The following TPO variants were observed in gnomAD, a reference collection of about 807,000 sequenced individuals.
TPO encodes the protein thyroid peroxidase, also known as thyroid microsomal antigen.
In TPO, 78 loss-of-function variants were observed where a neutral mutation model predicts 96.9. The ratio of observed to expected loss-of-function variants is 0.81; its 90% CI spans 0.67 to 0.97. The LOEUF is 0.97. Among genes scored for constraint, TPO ranks in the 50% least tolerant of loss-of-function variants. TPO has a pLI of 0.00. For synonymous variants in TPO, 547 were observed against 538.0 expected (o/e 1.02, Z -0.23); for missense variants, 1,252 against 1,274.8 (o/e 0.98, Z 0.27).
intron 14 of TPO, among the ~76,000 whole-genome samples, 183 bp from the exon 15 acceptor site, chr2:1,516,700 C>T (rs1558392796): frequency 1.3e-5 from 2 of 152,218 alleles, no homozygotes; most frequent in Non-Finnish European, 2.9e-5. Context: ...ACGTCACATT[C>T]GGATCTGGAC....
At chr2:1,476,711 C>A (rs1329271732) in intron 7 of TPO, among the ~76,000 whole-genome samples, 2 of 152,210 alleles carry the variant, frequency 1.3e-5, no homozygotes, top group African/African-American at 2.4e-5. Flanking sequence ...GATGTGGACT[C>A]CTAGGATGTG....
chr2:1,381,371 A>G (rs1423953523), intron 1 of TPO, among the ~76,000 whole-genome samples: 1 of 152,238 alleles, frequency 6.6e-6, no homozygotes, highest in Non-Finnish European at 1.5e-5. Context: ...TCTCAAAAGA[A>G]GACATTCATG....
intron 14 of TPO, among the ~76,000 whole-genome samples, chr2:1,513,948 T>G (rs1047814102): frequency 6.6e-6 from 1 of 152,204 alleles, no homozygotes. Context: ...TTGGTATAGA[T>G]GTAAATATAG....
Position 1,446,840 on chromosome 2 carries a change from T to G in TPO, c.483-6854T>G, listed in dbSNP as rs573775193. Among the ~76,000 whole-genome samples the G allele has an allele frequency of 1.2e-4, 19 of 152,344 alleles. No individual in the cohort carries two copies. The South Asian group carries it at 3.5e-3, about 28-fold the overall frequency. On this transcript the variant is annotated intron_variant, in intron 5 of 16. Coordinates refer to ENST00000329066, the MANE Select transcript of TPO (RefSeq NM_001206744.2). ...TGGAAAGAAAACTTTTTTGTTATGT[T>G]TAAGAATCTTGCTTTCTCTGAAGAA...
Position 1,456,182 on chromosome 2 carries a change from A to T in TPO, c.719A>T (p.Asp240Val). ...GCATGGGGACAATACATCGACCACG[A>T]CATCGCGTTCACACCACAGAGCACC... ...LMAWGQYIDHDIAFTPQSTSK... is the reference protein window; with the variant it reads ...LMAWGQYIDHVIAFTPQSTSK... Residue 240 changes from aspartate (D) to valine (V), a missense_variant, in exon 7 of 17, where the codon GAC (aspartate) becomes GTC (valine). Coordinates refer to ENST00000329066, the MANE Select transcript of TPO (RefSeq NM_001206744.2). 6.2e-7 allele frequency: 1 copy of T among 1,614,146 alleles called. No individual in the cohort carries two copies. The highest frequency in any genetic ancestry group is 8.5e-7 in the Non-Finnish European group (1 of 1,180,048).
At chr2:1,423,458 G>A (rs147663309) in intron 3 of TPO, among the ~76,000 whole-genome samples, 95 of 152,294 alleles carry the variant, frequency 6.2e-4, no homozygotes, top group Middle Eastern at 3.4e-3. Flanking sequence ...GGAAAAGAGA[G>A]ACCTAGATCC....
intron 1 of TPO, among the ~76,000 whole-genome samples, chr2:1,379,881 A>G (rs2148341249): frequency 6.6e-6 from 1 of 152,340 alleles, no homozygotes; most frequent in African/African-American, 2.4e-5. Context: ...AGGGGCAGGC[A>G]TGTGTCCTGT....
chr2:1,432,870 G>A (rs540961034), intron 3 of TPO, among the ~76,000 whole-genome samples: 1 of 152,184 alleles, frequency 6.6e-6, no homozygotes, highest in South Asian at 2.1e-4. Context: ...GATGAGGAGA[G>A]GCATTCAGAT....
intron 3 of TPO, among the ~76,000 whole-genome samples, chr2:1,432,781 G>A (rs1665149472): frequency 8.5e-6 from 1 of 117,334 alleles, no homozygotes; most frequent in African/African-American, 3.2e-5. Context: ...GGTGAGGGGA[G>A]GCATGCAGGT....
intron 1 of TPO, 141 bp downstream of exon 1, chr2:1,413,686 C>T (rs913530080): frequency 8.5e-5 from 84 of 985,366 alleles, no homozygotes; most frequent in Non-Finnish European, 9.8e-5. Flanking sequence ...GACTGACTGA[C>T]TGATGAGTGC....
intron 1 of TPO, among the ~76,000 whole-genome samples, chr2:1,407,347 A>T (rs1001217271): frequency 2.6e-5 from 4 of 152,202 alleles, no homozygotes; most frequent in African/African-American, 9.7e-5. Context: ...CTACTGGAAC[A>T]TTGAGAAAAG....
chr2:1,522,289 CT>C (rs1387362276), intron 15 of TPO, among the ~76,000 whole-genome samples: 1 of 61,356 alleles, frequency 1.6e-5, no homozygotes. Flanking sequence ...CACACCGGCC[CT>C]GCCACCTTGC....
intron 1 of TPO, among the ~76,000 whole-genome samples, chr2:1,390,170 C>G (rs1366081712): frequency 6.6e-6 from 1 of 151,974 alleles, no homozygotes; most frequent in Non-Finnish European, 1.5e-5. Context: ...CCCCCCCCAG[C>G]TCCCCAGCCT....
chr2:1,397,834 C>T (rs145529558), intron 1 of TPO, among the ~76,000 whole-genome samples: 1 of 152,140 alleles, frequency 6.6e-6, no homozygotes, highest in Admixed American at 6.5e-5. Context: ...CCGATGTTGT[C>T]TCTCCTTCCA....
chr2:1,409,746 C>T (rs1245801598), upstream of TPO, among the ~76,000 whole-genome samples: 1 of 152,020 alleles, frequency 6.6e-6, no homozygotes, highest in Non-Finnish European at 1.5e-5. Flanking sequence ...CCATGTTCAT[C>T]TCTTAAAAAA....
chr2:1,482,592 A>T (rs920924516), intron 8 of TPO, among the ~76,000 whole-genome samples: 1 of 152,210 alleles, frequency 6.6e-6, no homozygotes, highest in Non-Finnish European at 1.5e-5. Context: ...CATTTCCCCC[A>T]TGCGACCAGG....
intron 15 of TPO, among the ~76,000 whole-genome samples, chr2:1,520,524 C>A (rs1675146072): frequency 6.6e-6 from 1 of 152,152 alleles, no homozygotes; most frequent in Non-Finnish European, 1.5e-5. Flanking sequence ...CGTTTTCTAC[C>A]CACCCTGCTG....
At chr2:1,437,219 G>A (rs1201924608) in intron 5 of TPO, among the ~76,000 whole-genome samples, 1 of 152,214 alleles carries the variant, frequency 6.6e-6, no homozygotes, top group Non-Finnish European at 1.5e-5. Context: ...GCAGCCTTTG[G>A]CACACAGAGG....
intron 1 of TPO, among the ~76,000 whole-genome samples, chr2:1,385,040 C>A (rs1461927029): frequency 1.3e-5 from 2 of 152,154 alleles, no homozygotes; most frequent in Non-Finnish European, 2.9e-5. Flanking sequence ...GTTGAACCAG[C>A]CTTGCATCCC....
Sources: allele counts gnomAD v4.1 joint callset (sites outside exome capture counted in the v4.1 genomes callset), GRCh38; gene constraint gnomAD v4.1.1; transcripts MANE v1.5; gene names NCBI Gene and HGNC (gene_info 2026-07-23, HGNC 2026-07-21).